Variants in PHACTR1 observed in about 807,000 individuals in gnomAD.
PHACTR1 encodes phosphatase and actin regulator 1.
Under a neutral mutation model 69.2 loss-of-function variants are expected in PHACTR1, and 16 were observed. That is an observed-to-expected ratio of 0.23 (90% CI 0.16 to 0.35). The LOEUF (loss-of-function observed/expected upper bound fraction) is 0.35. Among genes scored for constraint, PHACTR1 ranks in the 10% least tolerant of loss-of-function variants. The pLI is 1.00. For synonymous variants in PHACTR1, 312 were observed against 284.5 expected, an observed-to-expected ratio of 1.10 and a Z score of -0.97; for missense variants, 510 against 734.7, an observed-to-expected ratio of 0.69 and a Z score of 3.54.
intron 8 of PHACTR1, among the ~76,000 whole-genome samples, chr6:13,209,509 A>T (rs1583949245): frequency 6.6e-6 from 1 of 152,242 alleles, no homozygotes; most frequent in Non-Finnish European, 1.5e-5. Context: ...ATGTCACACC[A>T]TAGGCCATCG....
intron 4 of PHACTR1, among the ~76,000 whole-genome samples, chr6:12,822,416 T>C (rs1194748161): frequency 6.6e-6 from 1 of 152,156 alleles, no homozygotes; most frequent in Non-Finnish European, 1.5e-5. Flanking sequence ...AAGGGAGCGA[T>C]ACCACATGAA....
chr6:12,812,255 T>G (rs1775100446), intron 4 of PHACTR1, among the ~76,000 whole-genome samples: 2 of 152,226 alleles, frequency 1.3e-5, no homozygotes, highest in Non-Finnish European at 2.9e-5. Context: ...ATACAGTATG[T>G]GACTTTTGTG....
intron 4 of PHACTR1, among the ~76,000 whole-genome samples, chr6:12,926,677 A>T (rs1788300416): frequency 6.6e-6 from 1 of 152,214 alleles, no homozygotes; most frequent in African/African-American, 2.4e-5. Context: ...CAGCTTCTCC[A>T]TCACAATCTG....
chr6:12,963,059 T>C (rs1792954341), intron 4 of PHACTR1, among the ~76,000 whole-genome samples: 1 of 152,196 alleles, frequency 6.6e-6, no homozygotes, highest in African/African-American at 2.4e-5. Context: ...GGAAGAGGAT[T>C]TGCAAGGGGT....
chr6:13,265,326 T>G (rs1261374308), intron 10 of PHACTR1, among the ~76,000 whole-genome samples: 3 of 147,576 alleles, frequency 2.0e-5, no homozygotes, highest in Non-Finnish European at 4.5e-5. Flanking sequence ...GCCATACCTA[T>G]CATCTTACTG....
At chr6:13,205,676 G>T (rs1320993949) in intron 7 of PHACTR1, 139 bp from the exon 8 acceptor site, 23 of 748,940 alleles carry the variant, frequency 3.1e-5, no homozygotes, top group Non-Finnish European at 4.9e-5. Context: ...CACTCATCAC[G>T]CTGGTGCCTC....
chr6:12,754,855 T>A (rs1257172390), intron 4 of PHACTR1, among the ~76,000 whole-genome samples: 2 of 152,242 alleles, frequency 1.3e-5, no homozygotes, highest in Admixed American at 1.3e-4. Context: ...GTATTATAAG[T>A]AATCTAGAGA....
intron 5 of PHACTR1, among the ~76,000 whole-genome samples, chr6:13,086,685 T>G (rs963235474): frequency 6.6e-6 from 1 of 152,036 alleles, no homozygotes; most frequent in African/African-American, 2.4e-5. Flanking sequence ...TTTCATTACA[T>G]GGATATCCCA....
chr6:12,993,028 T>C (rs1165416107), intron 4 of PHACTR1, among the ~76,000 whole-genome samples: 1 of 152,226 alleles, frequency 6.6e-6, no homozygotes, highest in Non-Finnish European at 1.5e-5. Flanking sequence ...AGATAGAGCC[T>C]CCATGTTGAA....
chr6:12,776,806 T>G (rs772150773), intron 4 of PHACTR1, among the ~76,000 whole-genome samples: 2 of 152,164 alleles, frequency 1.3e-5, no homozygotes, highest in African/African-American at 2.4e-5. Flanking sequence ...ACTTATAGAT[T>G]GAGGAAATAA....
At chr6:12,741,562 C>T (rs903170557) in intron 3 of PHACTR1, among the ~76,000 whole-genome samples, 9 of 152,074 alleles carry the variant, frequency 5.9e-5, no homozygotes, top group Non-Finnish European at 1.2e-4. Context: ...CTTGTCATAG[C>T]CAAGTGACTG....
chr6:12,984,766 GAGCAGTTTGTTTCATAAGGAAAA>G (rs928220087), intron 4 of PHACTR1, among the ~76,000 whole-genome samples: 10 of 129,570 alleles, frequency 7.7e-5, no homozygotes, highest in African/African-American at 3.4e-4. Flanking sequence ...TCCCCCAACC[GAGCAGTTTGTTTCATAAGGAAAA>G]AGCAAACCGT....
chr6:13,240,050 T>C (rs1275167461), intron 10 of PHACTR1, among the ~76,000 whole-genome samples: 1 of 145,294 alleles, frequency 6.9e-6, no homozygotes, highest in Non-Finnish European at 1.5e-5. Context: ...AAAGTTTCTT[T>C]AAAAAAAAAA....
chr6:13,182,726 C>G (rs1463014473), intron 7 of PHACTR1, 40 bp downstream of exon 7: 1 of 1,473,758 alleles, frequency 6.8e-7, no homozygotes, highest in African/African-American at 1.4e-5. Flanking sequence ...TCCCAGACAC[C>G]AAGTCCAGCC....
At chr6:13,029,011 T>G (rs914753636) in intron 4 of PHACTR1, among the ~76,000 whole-genome samples, 2 of 152,200 alleles carry the variant, frequency 1.3e-5, no homozygotes, top group African/African-American at 4.8e-5. Context: ...ATATTAGCAG[T>G]AATAACATTG....
intron 10 of PHACTR1, among the ~76,000 whole-genome samples, chr6:13,232,671 C>T (rs1771402316): frequency 6.6e-6 from 1 of 152,076 alleles, no homozygotes; most frequent in African/African-American, 2.4e-5. Context: ...CATAACATGG[C>T]ATGCTGTAGC....
chr6:13,164,889 C>G (rs761059245), intron 6 of PHACTR1, among the ~76,000 whole-genome samples: 2 of 151,912 alleles, frequency 1.3e-5, no homozygotes, highest in Non-Finnish European at 2.9e-5. Flanking sequence ...GTCGACTGAA[C>G]CGGCACAGAG....
chr6:13,240,716 G>A (rs1772713286), intron 10 of PHACTR1, among the ~76,000 whole-genome samples: 1 of 152,118 alleles, frequency 6.6e-6, no homozygotes, highest in Non-Finnish European at 1.5e-5. Flanking sequence ...TAAAGAGCTG[G>A]GATTACGGGC....
chr6:12,973,257 A>C (rs563111515), intron 4 of PHACTR1, among the ~76,000 whole-genome samples: 3 of 152,110 alleles, frequency 2.0e-5, no homozygotes, highest in Non-Finnish European at 4.4e-5. Flanking sequence ...CCTTTTCTTT[A>C]TTTATAACAA....
Sources: allele counts gnomAD v4.1 joint callset (sites outside exome capture counted in the v4.1 genomes callset), GRCh38; gene constraint gnomAD v4.1.1; transcripts MANE v1.5; gene names NCBI Gene and HGNC (gene_info 2026-07-23, HGNC 2026-07-21).